Variants in HHAT observed in about 807,000 individuals in gnomAD.
HHAT encodes the protein protein-cysteine N-palmitoyltransferase HHAT.
A neutral mutation model predicts 70.8 loss-of-function variants in HHAT; 47 were observed. That is an observed-to-expected ratio of 0.66 (90% CI 0.53 to 0.85). The LOEUF (loss-of-function observed/expected upper bound fraction) is 0.85, where lower values mean the gene tolerates loss of function less well. HHAT is among the 40% of genes least tolerant of loss of function. The pLI, the probability that HHAT is intolerant of heterozygous loss-of-function variation, is 0.00. For missense variants in HHAT, 609 were observed against 604.8 expected, an observed-to-expected ratio of 1.01 and a Z score of -0.07; for synonymous variants, 228 against 247.6, an observed-to-expected ratio of 0.92 and a Z score of 0.74.
At chr1:210,482,177 G>A (rs1057402467) in intron 8 of HHAT, among the ~76,000 whole-genome samples, 5 of 152,120 alleles carry the variant, frequency 3.3e-5, no homozygotes, top group Non-Finnish European at 5.9e-5. Context: ...CTATAGCCAA[G>A]CCTAGATGTC....
At chr1:210,672,933 A>G (rs951968321) in intron 11 of HHAT, among the ~76,000 whole-genome samples, 2 of 152,210 alleles carry the variant, frequency 1.3e-5, no homozygotes, top group Admixed American at 6.5e-5. Context: ...TATGGGACTC[A>G]TGGACTTTAA....
chr1:210,673,690 C>T (rs1680565660), intron 11 of HHAT, among the ~76,000 whole-genome samples: 1 of 151,666 alleles, frequency 6.6e-6, no homozygotes, highest in Non-Finnish European at 1.5e-5. Flanking sequence ...CTCCTGATCT[C>T]AAGTGATCCT....
At chr1:210,644,602 CA>C (rs57190952) in intron 11 of HHAT, among the ~76,000 whole-genome samples, 976 of 64,018 alleles carry the variant, frequency 0.015, 6 homozygotes, top group African/African-American at 0.062. Context: ...GACTCCATCT[CA>C]AAAAAAAAAA....
At chr1:210,449,697 G>A (rs1180084715) in intron 7 of HHAT, among the ~76,000 whole-genome samples, 2 of 152,184 alleles carry the variant, frequency 1.3e-5, no homozygotes, top group African/African-American at 4.8e-5. Context: ...GTGACACAGG[G>A]CATATTAAGG....
chr1:210,408,434 C>T (rs567047536), intron 6 of HHAT, among the ~76,000 whole-genome samples: 8 of 152,296 alleles, frequency 5.3e-5, no homozygotes, highest in African/African-American at 1.9e-4. Flanking sequence ...CCGCCCGCCT[C>T]GGCCTCCTAA....
intron 8 of HHAT, among the ~76,000 whole-genome samples, chr1:210,503,660 A>C (rs182481175): frequency 7.2e-4 from 109 of 152,222 alleles, no homozygotes; most frequent in African/African-American, 2.4e-3. Flanking sequence ...ACTCTTCCTC[A>C]TTAGAGTTAT....
intron 8 of HHAT, among the ~76,000 whole-genome samples, chr1:210,491,478 A>G (rs572349334): frequency 1.3e-5 from 2 of 152,178 alleles, no homozygotes; most frequent in Non-Finnish European, 2.9e-5. Context: ...GACCTTGTTC[A>G]TCTACTTACC....
At chr1:210,487,860 AG>A (rs1419030288) in intron 8 of HHAT, among the ~76,000 whole-genome samples, 1 of 152,190 alleles carries the variant, frequency 6.6e-6, no homozygotes, top group Admixed American at 6.5e-5. Context: ...TTATCACCTA[AG>A]GGACTTTAAT....
intron 3 of HHAT, among the ~76,000 whole-genome samples, chr1:210,371,784 G>A (rs1178632263): frequency 6.6e-6 from 1 of 152,142 alleles, no homozygotes; most frequent in Admixed American, 6.5e-5. Context: ...AGCAAACGTT[G>A]CCAAGAGATC....
At chr1:210,492,392 A>G (rs925493546) in intron 8 of HHAT, among the ~76,000 whole-genome samples, 6 of 152,140 alleles carry the variant, frequency 3.9e-5, no homozygotes, top group Non-Finnish European at 7.3e-5. Context: ...TCATTTCTAT[A>G]TATCTCCTGC....
chr1:210,352,970 C>T (rs2087194952), intron 2 of HHAT, among the ~76,000 whole-genome samples: 1 of 148,370 alleles, frequency 6.7e-6, no homozygotes, highest in African/African-American at 2.5e-5. Flanking sequence ...GAGTCTTGGT[C>T]TGTCACCCAG....
At chr1:210,476,126 C>T (rs1038849976) in intron 8 of HHAT, among the ~76,000 whole-genome samples, 2 of 152,096 alleles carry the variant, frequency 1.3e-5, no homozygotes, top group Non-Finnish European at 2.9e-5. Flanking sequence ...CCTGTTAGAC[C>T]AAGAAGAAAG....
intron 9 of HHAT, among the ~76,000 whole-genome samples, chr1:210,524,984 G>A (rs2095223896): frequency 6.6e-6 from 1 of 152,072 alleles, no homozygotes. Flanking sequence ...AGAAGCATGG[G>A]CAGCTGAGTG....
intron 11 of HHAT, among the ~76,000 whole-genome samples, chr1:210,645,291 T>G (rs1673793280): frequency 6.6e-6 from 1 of 152,108 alleles, no homozygotes; most frequent in Admixed American, 6.5e-5. Context: ...TATATATATT[T>G]TTTTGAGACG....
chr1:210,509,071 G>A (rs1478562898), intron 8 of HHAT, among the ~76,000 whole-genome samples: 3 of 152,130 alleles, frequency 2.0e-5, no homozygotes, highest in Non-Finnish European at 4.4e-5. Context: ...GTAATTGTGG[G>A]TTTTGTCATT....
chr1:210,509,683 C>T (rs2094921502), intron 8 of HHAT, among the ~76,000 whole-genome samples: 1 of 152,162 alleles, frequency 6.6e-6, no homozygotes, highest in Non-Finnish European at 1.5e-5. Context: ...CTATTAACAT[C>T]CCCCCTTCTC....
intron 8 of HHAT, among the ~76,000 whole-genome samples, chr1:210,475,499 G>A (rs780973535): frequency 3.9e-5 from 6 of 152,130 alleles, no homozygotes; most frequent in Non-Finnish European, 7.3e-5. Context: ...TCTCTGATTG[G>A]GTTTTTACCT....
At chr1:210,584,582 C>G (rs546829282) in intron 9 of HHAT, among the ~76,000 whole-genome samples, 16 of 152,232 alleles carry the variant, frequency 1.1e-4, no homozygotes, top group Admixed American at 5.2e-4. Context: ...GACTACTGTG[C>G]CCTGGGCTGT....
At chr1:210,388,667 A>AT (rs935130930) in intron 4 of HHAT, among the ~76,000 whole-genome samples, 38 of 151,720 alleles carry the variant, frequency 2.5e-4, no homozygotes, top group African/African-American at 8.7e-4. Context: ...CCTAATAATA[A>AT]TTTTTTTTGT....
Sources: allele counts gnomAD v4.1 joint callset (sites outside exome capture counted in the v4.1 genomes callset), GRCh38; gene constraint gnomAD v4.1.1; transcripts MANE v1.5; gene names NCBI Gene and HGNC (gene_info 2026-07-23, HGNC 2026-07-21).